EPB41L4A: variants seen among roughly 807,000 people sequenced by gnomAD.
EPB41L4A encodes the protein band 4.1-like protein 4A.
In EPB41L4A, 100 loss-of-function variants were observed where a neutral mutation model predicts 108.6. The observed-to-expected ratio is 0.92, with a 90% confidence interval of 0.78 to 1.09. The LOEUF is 1.09. Ranked by LOEUF, EPB41L4A falls within the 50% of genes least tolerant of loss-of-function variation. The pLI, the probability that EPB41L4A is intolerant of heterozygous loss-of-function variation, is 0.00. For missense variants in EPB41L4A, 1,030 were observed against 842.7 expected (o/e 1.22, Z -2.75); for synonymous variants, 319 against 289.0 (o/e 1.10, Z -1.05).
intron 1 of EPB41L4A, among the ~76,000 whole-genome samples, chr5:112,333,487 CAT>C (rs1756712538): frequency 6.6e-6 from 1 of 152,140 alleles, no homozygotes; most frequent in South Asian, 2.1e-4. Flanking sequence ...AGTAAACACA[CAT>C]ATTGACAGAC....
At chr5:112,224,972 C>G (rs1157199843) in intron 12 of EPB41L4A, among the ~76,000 whole-genome samples, 1 of 152,208 alleles carries the variant, frequency 6.6e-6, no homozygotes, top group Non-Finnish European at 1.5e-5. Flanking sequence ...CTAACTTCTT[C>G]CTTTTTCTGA....
At chr5:112,220,774 T>C (rs2150335969) in intron 12 of EPB41L4A, among the ~76,000 whole-genome samples, 1 of 152,260 alleles carries the variant, frequency 6.6e-6, no homozygotes, top group African/African-American at 2.4e-5. Flanking sequence ...AGAAGGTAAC[T>C]CTCTGACCTT....
chr5:112,228,701 C>T (rs979324942), intron 12 of EPB41L4A: 2 of 985,212 alleles, frequency 2.0e-6, no homozygotes, highest in Non-Finnish European at 2.4e-6. Flanking sequence ...GACAGGAATC[C>T]AACTGTGTGA....
At chr5:112,289,096 G>A (rs530757510) in intron 2 of EPB41L4A, among the ~76,000 whole-genome samples, 15 of 152,258 alleles carry the variant, frequency 9.9e-5, no homozygotes, top group African/African-American at 3.1e-4. Flanking sequence ...GTATAATGTA[G>A]TATTCCTCCC....
At chr5:112,160,860 C>T (rs568515580), downstream of EPB41L4A, 1 of 156,366 alleles carries the variant, frequency 6.4e-6, no homozygotes, top group East Asian at 1.9e-4. Flanking sequence ...GGACGGAAGC[C>T]TGTCCTTTCT....
rs183814592 is a variant in EPB41L4A, at chr5:112,303,756, T to A, written c.204+3630A>T. The stretch of plus-strand genomic sequence containing the variant: ...TGATGTGATCGGGAAAAAAGCTGCA[T>A]GGTGATATGTTTAGGAAACAATGGG... On this transcript the variant is annotated intron_variant, in intron 2 of 22. Transcript: ENST00000261486. 4.6e-4 allele frequency among the ~76,000 whole-genome samples: 70 copies of A among 152,196 alleles called. No homozygotes were observed. In the South Asian group the frequency reaches 7.9e-3, roughly 17 times the overall value.
At chr5:112,345,447 C>T (rs1757576569) in intron 1 of EPB41L4A, among the ~76,000 whole-genome samples, 3 of 151,690 alleles carry the variant, frequency 2.0e-5, no homozygotes, top group African/African-American at 7.3e-5. Context: ...AAGTAGGCTG[C>T]AGTATTCTGT....
intron 22 of EPB41L4A, among the ~76,000 whole-genome samples, chr5:112,166,306 TCTC>T (rs1290167114): frequency 6.6e-6 from 1 of 152,204 alleles, no homozygotes; most frequent in Admixed American, 6.5e-5. Context: ...TCCAGCCCCT[TCTC>T]CGCTTGGCAG....
At chr5:112,288,834 T>C (rs1198057198) in intron 2 of EPB41L4A, among the ~76,000 whole-genome samples, 1 of 149,346 alleles carries the variant, frequency 6.7e-6, no homozygotes, top group Non-Finnish European at 1.5e-5. Context: ...GATATATCTT[T>C]TTTTTTTTTT....
chr5:112,339,512 A>ATATCTATATATC (rs1561585417), intron 1 of EPB41L4A, among the ~76,000 whole-genome samples: 1 of 46,000 alleles, frequency 2.2e-5, no homozygotes, highest in African/African-American at 9.6e-5. Context: ...ATATATATAG[A>ATATCTATATATC]TATATAGATA....
chr5:112,325,397 C>T (rs1423246898), intron 1 of EPB41L4A, among the ~76,000 whole-genome samples: 1 of 150,072 alleles, frequency 6.7e-6, no homozygotes, highest in Admixed American at 6.6e-5. Flanking sequence ...GCGGAGATAG[C>T]GCCACTACAC....
intron 12 of EPB41L4A, among the ~76,000 whole-genome samples, chr5:112,221,562 T>C (rs1748049379): frequency 6.6e-6 from 1 of 152,186 alleles, no homozygotes; most frequent in African/African-American, 2.4e-5. Context: ...ATATAAAGCC[T>C]TTAGCACTGT....
intron 12 of EPB41L4A, chr5:112,228,317 C>G (rs1748615217): frequency 6.6e-6 from 1 of 152,238 alleles, no homozygotes; most frequent in Non-Finnish European, 1.5e-5. Context: ...ACTAGGTCCA[C>G]TCCGCTGCAC....
intron 1 of EPB41L4A, among the ~76,000 whole-genome samples, chr5:112,318,396 C>A (rs1002044413): frequency 4.6e-5 from 7 of 152,186 alleles, no homozygotes; most frequent in African/African-American, 1.4e-4. Flanking sequence ...TCATCACTGT[C>A]TAGGATCCCT....
At chr5:112,357,041 A>G (rs528459869) in intron 1 of EPB41L4A, among the ~76,000 whole-genome samples, 13 of 152,304 alleles carry the variant, frequency 8.5e-5, no homozygotes, top group African/African-American at 3.1e-4. Context: ...TAGGGCCCAG[A>G]GCGAGAGATG....
chr5:112,232,674 G>A (rs901823908), intron 12 of EPB41L4A, among the ~76,000 whole-genome samples: 1 of 152,136 alleles, frequency 6.6e-6, no homozygotes, highest in Non-Finnish European at 1.5e-5. Flanking sequence ...ATAATGCTAG[G>A]TCAATTTTCA....
intron 2 of EPB41L4A, among the ~76,000 whole-genome samples, chr5:112,295,853 A>G (rs540991650): frequency 1.3e-5 from 2 of 152,256 alleles, no homozygotes; most frequent in Admixed American, 1.3e-4. Flanking sequence ...CAATTTCCAT[A>G]CTCTAGCTAC....
At chr5:112,161,783 GAT>G (rs1271044244), downstream of EPB41L4A, 2 of 369,320 alleles carry the variant, frequency 5.4e-6, no homozygotes, top group Non-Finnish European at 1.1e-5. Flanking sequence ...AAGGTAGGGT[GAT>G]ATGTCTTAAA....
Position 112,392,439 on chromosome 5 carries a change from C to T in EPB41L4A, c.99+26502G>A, listed in dbSNP as rs181793048. Among the ~76,000 whole-genome samples the T allele has an allele frequency of 7.7e-4, 110 of 142,850 alleles. No homozygotes were observed. In the East Asian group the frequency reaches 0.013, roughly 17 times the overall value. 93.7% of individuals were successfully genotyped at this position (142,850 alleles called of 152,430 possible). On this transcript the variant is annotated intron_variant, in intron 1 of 22. Transcript: ENST00000261486. ...AAAAAAAAAAAGCAGGGGTTGCAAT[C>T]CTAGTCTCTAATAAAACAGACTTTA... is the stretch of plus-strand genomic sequence containing the variant.
Sources: allele counts gnomAD v4.1 joint callset (sites outside exome capture counted in the v4.1 genomes callset), GRCh38; gene constraint gnomAD v4.1.1; transcripts MANE v1.5; gene names NCBI Gene and HGNC (gene_info 2026-07-23, HGNC 2026-07-21).